Variants in MOGAT1 observed in about 807,000 individuals in gnomAD.
The protein encoded by MOGAT1 is monoacylglycerol O-acyltransferase 1, also known as 2-acylglycerol O-acyltransferase 1.
MOGAT1 carries 32 observed loss-of-function variants against 31.4 expected under a neutral mutation model. The observed-to-expected ratio is 1.02, with a 90% CI of 0.77 to 1.37. MOGAT1 has a LOEUF of 1.37. Among genes scored for constraint, MOGAT1 ranks in the 40% most tolerant of loss-of-function variants. MOGAT1 has a pLI of 0.00. For missense variants in MOGAT1, 426 were observed against 402.0 expected, an observed-to-expected ratio of 1.06 and a Z score of -0.51; for synonymous variants, 145 against 144.5, an observed-to-expected ratio of 1.00 and a Z score of -0.03.
At chr2:222,707,885 A>G (rs1041927112) in intron 5 of MOGAT1, among the ~76,000 whole-genome samples, 1 of 152,142 alleles carries the variant, frequency 6.6e-6, no homozygotes, top group African/African-American at 2.4e-5. Flanking sequence ...TTGCTTAGCT[A>G]ACCACCTACT....
intron 1 of MOGAT1, among the ~76,000 whole-genome samples, chr2:222,680,429 A>G (rs1358801636): frequency 6.6e-6 from 1 of 152,216 alleles, no homozygotes; most frequent in Admixed American, 6.5e-5. Context: ...ATTTCCCTGT[A>G]TGTAACACTT....
chr2:222,695,202 G>A lies in MOGAT1; in HGVS notation c.767G>A (p.Gly256Glu). The A allele has an allele frequency of 1.2e-6, 2 of 1,613,644 alleles. No homozygotes were observed. Among genetic ancestry groups the A allele is most frequent in the Non-Finnish European group, 1.7e-6 (2 of 1,179,762 alleles). The change falls in exon 5 of 6, where the codon GGG becomes GAG. Residue 256 changes from glycine to glutamate, a missense_variant. Transcript: ENST00000446656. ...TVQNKLQKIM[G>E]FALPLFHARG... Reference sequence around the variant, plus strand: ...CAGAATAAACTGCAGAAGATCATGGGGTTTGCTTTGCCCCTGTTTCATGCC... The same window carrying A: ...CAGAATAAACTGCAGAAGATCATGGAGTTTGCTTTGCCCCTGTTTCATGCC...
rs367788912 is a variant in MOGAT1 at position 222,708,671 on chromosome 2, TTC to T, written c.854-1057_854-1056del. ...CCTTACCAAAAAGGAACTTTTATGT[TTC>T]TCTCTCTTTCCGGACTTTTTTCCAT... On this transcript the variant is annotated intron_variant, in intron 5 of 5. Transcript: ENST00000446656. Among the ~76,000 whole-genome samples, 422 of 152,168 alleles carry T rather than the reference TTC, an allele frequency of 2.8e-3. 1 individual carries two copies. The highest frequency in any genetic ancestry group is 0.024 in the Middle Eastern group (7 of 294).
At chr2:222,701,578 AAG>A (rs1335366157) in intron 5 of MOGAT1, among the ~76,000 whole-genome samples, 61 of 132,224 alleles carry the variant, frequency 4.6e-4, no homozygotes, top group Non-Finnish European at 8.2e-4. Flanking sequence ...AAAGAAAAGA[AAG>A]AAAAAGAAAG....
chr2:222,696,337 G>A (rs1292126452), intron 5 of MOGAT1, among the ~76,000 whole-genome samples: 3 of 152,194 alleles, frequency 2.0e-5, no homozygotes, highest in Non-Finnish European at 2.9e-5. Flanking sequence ...TTTAAGGAAT[G>A]TCTACAGTTT....
chr2:222,707,422 G>A (rs1257453311), intron 5 of MOGAT1, among the ~76,000 whole-genome samples: 2 of 150,736 alleles, frequency 1.3e-5, no homozygotes, highest in Admixed American at 6.6e-5. Flanking sequence ...GGGAAGGGAG[G>A]GAAGGGAGGC....
Position 222,709,744 on chromosome 2 carries a change from C to T in MOGAT1, c.862C>T (p.Pro288Ser). ...RKAIHTVVGR[P>S]IPVRQTLNPT... The stretch of plus-strand genomic sequence containing the variant: ...TATTCCCTGATTTGCAGTTGGCCGC[C>T]CGATCCCTGTTCGTCAGACTCTGAA... Residue 288 changes from proline (P) to serine (S), a missense_variant, in exon 6 of 6, where the codon CCG becomes TCG. Pro to Ser is a moderately conservative substitution (Grantham distance 74, BLOSUM62 -1). Transcript: ENST00000446656. The T allele has an allele frequency of 6.2e-7, 1 of 1,612,426 alleles. No individual in the cohort carries two copies. Among genetic ancestry groups the T allele is most frequent in the South Asian group, 1.1e-5 (1 of 90,922 alleles).
intron 1 of MOGAT1, among the ~76,000 whole-genome samples, chr2:222,683,328 A>G (rs1468972562): frequency 1.3e-5 from 2 of 152,038 alleles, no homozygotes; most frequent in South Asian, 2.1e-4. Flanking sequence ...ATGTTTGGGA[A>G]CTAGATGGTG....
chr2:222,685,618 T>G (rs1032595874), intron 1 of MOGAT1, among the ~76,000 whole-genome samples: 47 of 146,666 alleles, frequency 3.2e-4, no homozygotes, highest in African/African-American at 9.7e-4. Flanking sequence ...TTTTTTTTTT[T>G]GAGAGGAGTC....
chr2:222,686,654 G>A (rs549478310), intron 1 of MOGAT1, among the ~76,000 whole-genome samples: 6 of 152,286 alleles, frequency 3.9e-5, no homozygotes, highest in South Asian at 4.1e-4. Context: ...TTTCTGGTGG[G>A]TCCAGAAGGT....
At chr2:222,689,135 C>T in intron 2 of MOGAT1, 130 bp from the exon 3 acceptor site, 3 of 794,890 alleles carry the variant, frequency 3.8e-6, no homozygotes, top group Non-Finnish European at 5.8e-6. Context: ...GAAACAGCTC[C>T]AACCCAGGGA....
intron 5 of MOGAT1, among the ~76,000 whole-genome samples, chr2:222,709,387 C>A (rs960769572): frequency 6.6e-6 from 1 of 152,180 alleles, no homozygotes; most frequent in Non-Finnish European, 1.5e-5. Context: ...ATAATCAGGG[C>A]ACTATGGTCT....
chr2:222,708,419 G>A (rs1693039407), intron 5 of MOGAT1, among the ~76,000 whole-genome samples: 1 of 152,168 alleles, frequency 6.6e-6, no homozygotes, highest in African/African-American at 2.4e-5. Flanking sequence ...ATCAGTAGCA[G>A]CATCCGACCA....
chr2:222,707,994 C>G (rs1043607551), intron 5 of MOGAT1, among the ~76,000 whole-genome samples: 1 of 152,194 alleles, frequency 6.6e-6, no homozygotes, highest in Admixed American at 6.5e-5. Flanking sequence ...CTAGAGCCCA[C>G]CTGACCTCAT....
chr2:222,694,361 G>C lies in MOGAT1; in HGVS notation c.479-1G>C. 1.9e-6 allele frequency: 3 copies of C among 1,604,606 alleles called. No individual in the cohort carries two copies. Among genetic ancestry groups the C allele is most frequent in the South Asian group, 1.1e-5 (1 of 89,008 alleles). On this transcript the variant is annotated splice_acceptor_variant, in intron 3 of 5. Transcript: ENST00000446656. LOFTEE classifies it high-confidence loss of function. ...AGTTACTTTTTGTTTTATTCACTAA[G>C]GGCTGGTTTCAGTTTCCAAGAAAAG...
rs374002606 is a variant in MOGAT1 at position 222,695,265 on chromosome 2, A to T, written c.830A>T (p.Tyr277Phe). ...CAGTACAATTTTGGCCTAATGACCT[A>T]TAGGAAAGCCATCCACACTGTTGGT... ...VFQYNFGLMT[Y>F]RKAIHTVVGR... is the part of the protein sequence containing the mutation. Residue 277 changes from tyrosine to phenylalanine, a missense_variant, in exon 5 of 6, where the codon TAT (tyrosine) becomes TTT (phenylalanine). Transcript: ENST00000446656. The T allele has an allele frequency of 2.5e-6, 4 of 1,612,544 alleles. No homozygotes were observed. Among genetic ancestry groups the T allele is most frequent in the Non-Finnish European group, 1.7e-6 (2 of 1,179,134 alleles).
At chr2:222,697,979 C>T (rs374579405) in intron 5 of MOGAT1, among the ~76,000 whole-genome samples, 47 of 152,190 alleles carry the variant, frequency 3.1e-4, no homozygotes, top group African/African-American at 7.9e-4. Flanking sequence ...CCAATCTTCA[C>T]GCTCATGAAC....
At chr2:222,693,831 G>A (rs558494755) in intron 3 of MOGAT1, among the ~76,000 whole-genome samples, 12 of 152,240 alleles carry the variant, frequency 7.9e-5, no homozygotes, top group East Asian at 3.9e-4. Context: ...ACAGTCAAAC[G>A]ATATCACATT....
chr2:222,683,335 G>A (rs561142763), intron 1 of MOGAT1, among the ~76,000 whole-genome samples: 2 of 152,008 alleles, frequency 1.3e-5, no homozygotes, highest in South Asian at 4.2e-4. Flanking sequence ...GGAACTAGAT[G>A]GTGGTAGTAG....
Sources: allele counts gnomAD v4.1 joint callset (sites outside exome capture counted in the v4.1 genomes callset), GRCh38; gene constraint gnomAD v4.1.1; transcripts MANE v1.5; gene names NCBI Gene and HGNC (gene_info 2026-07-23, HGNC 2026-07-21).